ERICH1: variants seen among roughly 807,000 people sequenced by gnomAD.
The protein encoded by ERICH1 is glutamate-rich protein 1.
Under a neutral mutation model 39.6 loss-of-function variants are expected in ERICH1, and 56 were observed. The observed-to-expected ratio is 1.41, with a 90% CI of 1.14 to 1.77. The LOEUF (loss-of-function observed/expected upper bound fraction) is 1.77. Ranked by LOEUF, ERICH1 falls within the 40% of genes most tolerant of loss-of-function variation. The pLI, the probability that ERICH1 is intolerant of heterozygous loss-of-function variation, is 0.00. For missense variants in ERICH1, 826 were observed against 575.4 expected (o/e 1.44, Z -4.45); for synonymous variants, 313 against 223.6 (o/e 1.40, Z -3.57).
At chr8:699,240 G>A (rs1394625071) in intron 2 of ERICH1, among the ~76,000 whole-genome samples, 5 of 152,116 alleles carry the variant, frequency 3.3e-5, no homozygotes, top group African/African-American at 4.8e-5. Context: ...AGGAACGAAA[G>A]AAAAAGGTAT....
intron 2 of ERICH1, among the ~76,000 whole-genome samples, chr8:702,390 G>A (rs1259857480): frequency 6.6e-6 from 1 of 152,106 alleles, no homozygotes; most frequent in Non-Finnish European, 1.5e-5. Flanking sequence ...GACACGCTGG[G>A]AATCTGTCCC....
downstream of ERICH1, among the ~76,000 whole-genome samples, chr8:663,353 C>T (rs1801715086): frequency 6.6e-6 from 1 of 152,206 alleles, no homozygotes; most frequent in African/African-American, 2.4e-5. Flanking sequence ...TGAGCAGCCA[C>T]CTCCACCCGT....
intron 3 of ERICH1, among the ~76,000 whole-genome samples, chr8:638,388 C>T (rs1798619572): frequency 6.6e-6 from 1 of 152,196 alleles, no homozygotes; most frequent in Non-Finnish European, 1.5e-5. Flanking sequence ...AGGAGGCCTG[C>T]TTGAGATACA....
intron 4 of ERICH1, chr8:672,233 T>A (rs1803593658): frequency 6.6e-6 from 1 of 152,276 alleles, no homozygotes; most frequent in South Asian, 2.1e-4. Flanking sequence ...AATAGAAAGT[T>A]TACTGAGATC....
downstream of ERICH1, among the ~76,000 whole-genome samples, chr8:660,652 A>T (rs1801292738): frequency 6.6e-6 from 1 of 152,236 alleles, no homozygotes; most frequent in Non-Finnish European, 1.5e-5. Context: ...CAGAAGAAGA[A>T]AATTAATTTT....
At position 643,223 on chromosome 8, in the gene ERICH1, T is replaced by A. The variant is rs147975877; in HGVS notation, c.976+25375A>T. Among the ~76,000 whole-genome samples, 717 of 152,182 alleles carry A rather than the reference T, an allele frequency of 4.7e-3. 5 individuals carry two copies. The highest frequency in any genetic ancestry group is 7.1e-3 in the Admixed American group (108 of 15,300). ...AAACATTGCATGCGATTCCTGCGAG[T>A]TCTCTGGCATGAGACGATGACCTAG... On this transcript the variant is annotated intron_variant, in intron 3 of 3. Coordinates refer to the ERICH1 transcript ENST00000522706.
At chr8:717,272 C>T (rs1249287469) in intron 1 of ERICH1, among the ~76,000 whole-genome samples, 2 of 152,298 alleles carry the variant, frequency 1.3e-5, no homozygotes, top group East Asian at 3.9e-4. Context: ...TCCCCATACG[C>T]TATATTTTGA....
At chr8:627,006 G>A (rs974695944) in intron 3 of ERICH1, 12 of 419,242 alleles carry the variant, frequency 2.9e-5, no homozygotes, top group Non-Finnish European at 4.4e-5. Context: ...TACTCACCAA[G>A]CTCTCGTCAT....
chr8:725,110 T>G (rs1470871252), intron 1 of ERICH1: 1 of 171,736 alleles, frequency 5.8e-6, no homozygotes, highest in Non-Finnish European at 1.2e-5. Flanking sequence ...CTCTGGCTTC[T>G]TGTCTGCTGT....
chr8:695,172 A>C (rs951279329), intron 2 of ERICH1, among the ~76,000 whole-genome samples: 1 of 151,952 alleles, frequency 6.6e-6, no homozygotes, highest in African/African-American at 2.4e-5. Context: ...GGCAGCCGAC[A>C]GCTATGGAGG....
chr8:623,071 T>C (rs574530192), intron 3 of ERICH1, among the ~76,000 whole-genome samples: 5 of 152,304 alleles, frequency 3.3e-5, no homozygotes, highest in African/African-American at 1.2e-4. Context: ...CAACTCATTT[T>C]ATAGAACAGT....
chr8:657,525 G>C (rs1412376473), intron 3 of ERICH1, among the ~76,000 whole-genome samples: 1 of 151,426 alleles, frequency 6.6e-6, no homozygotes, highest in Admixed American at 6.6e-5. Context: ...GGCGATGCTT[G>C]TCTAAGATGA....
At chr8:629,919 C>G (rs1328485972) in intron 3 of ERICH1, among the ~76,000 whole-genome samples, 20 of 138,658 alleles carry the variant, frequency 1.4e-4, no homozygotes, top group Non-Finnish European at 2.2e-4. Flanking sequence ...CTGACTCACA[C>G]CCTCCCGTGA....
At chr8:680,369 A>C (rs1256835908) in intron 3 of ERICH1, among the ~76,000 whole-genome samples, 3 of 150,346 alleles carry the variant, frequency 2.0e-5, no homozygotes, top group Admixed American at 6.6e-5. Flanking sequence ...GATGCAAGAG[A>C]ATCCACAGCT....
chr8:715,025 C>T (rs1371700181), intron 2 of ERICH1, among the ~76,000 whole-genome samples: 1 of 152,108 alleles, frequency 6.6e-6, no homozygotes, highest in Non-Finnish European at 1.5e-5. Context: ...ATGTCTTACA[C>T]CCAGGTGGTC....
chr8:634,492 G>T (rs1047815841), intron 3 of ERICH1, among the ~76,000 whole-genome samples: 3 of 152,212 alleles, frequency 2.0e-5, no homozygotes, highest in Non-Finnish European at 2.9e-5. Context: ...ACTGAACAGG[G>T]TCTCGAGGAT....
chr8:680,726 C>T (rs1009067626), intron 3 of ERICH1, among the ~76,000 whole-genome samples: 3 of 152,256 alleles, frequency 2.0e-5, no homozygotes, highest in African/African-American at 7.2e-5. Flanking sequence ...GTCACAAATG[C>T]AGTGGTCACC....
intron 4 of ERICH1, 143 bp from the exon 5 acceptor site, chr8:668,935 G>A: frequency 1.3e-6 from 1 of 743,242 alleles, no homozygotes; most frequent in Non-Finnish European, 2.1e-6. Context: ...GCTACCAGAA[G>A]AGAGAATCAG....
rs374804340 is a variant in ERICH1 at position 666,194 on chromosome 8, A to G, written c.1259-1518T>C. 218 of 152,322 alleles carry G rather than the reference A, an allele frequency of 1.4e-3. 2 individuals carry two copies. Among genetic ancestry groups the G allele is most frequent in the Middle Eastern group, 6.8e-3 (2 of 294 alleles). The allele number at this position is 152,322 out of a possible 1,614,324, so 9.4% of individuals were successfully genotyped here. On this transcript the variant is annotated intron_variant, in intron 5 of 5. Transcript: ENST00000262109. The stretch of plus-strand genomic sequence containing the variant: ...AATATAAGAAACCAATTGTTTTAAT[A>G]ATGGGGGGTTCTGGTAAATTCCCCA...
Sources: allele counts gnomAD v4.1 joint callset (sites outside exome capture counted in the v4.1 genomes callset), GRCh38; gene constraint gnomAD v4.1.1; transcripts MANE v1.5; gene names NCBI Gene and HGNC (gene_info 2026-07-23, HGNC 2026-07-21).